The following C8orf34 variants were observed in gnomAD, a reference collection of about 807,000 sequenced individuals.
C8orf34 encodes chromosome 8 open reading frame 34.
A neutral mutation model predicts 68.3 loss-of-function variants in C8orf34; 65 were observed. The observed-to-expected ratio is 0.95, with a 90% CI of 0.78 to 1.17. The LOEUF is 1.17. C8orf34 is among the 50% of genes most tolerant of loss of function. The probability of loss-of-function intolerance (pLI) is 0.00; values close to 1 mark genes in which losing one functional copy is unlikely to be tolerated. For missense variants in C8orf34, 664 were observed against 655.4 expected, an observed-to-expected ratio of 1.01 and a Z score of -0.14; for synonymous variants, 244 against 241.2, an observed-to-expected ratio of 1.01 and a Z score of -0.11.
At chr8:68,428,413 C>T (rs1458809258) in intron 1 of C8orf34, among the ~76,000 whole-genome samples, 1 of 151,894 alleles carries the variant, frequency 6.6e-6, no homozygotes, top group East Asian at 1.9e-4. Flanking sequence ...AAATACAAGC[C>T]ATGCGTGATA....
chr8:68,461,798 A>G (rs1811841911), intron 3 of C8orf34, among the ~76,000 whole-genome samples: 1 of 152,226 alleles, frequency 6.6e-6, no homozygotes, highest in African/African-American at 2.4e-5. Flanking sequence ...GAAGCACTAA[A>G]CATGGAAAGG....
intron 5 of C8orf34, among the ~76,000 whole-genome samples, chr8:68,509,053 G>T (rs771624581): frequency 6.6e-6 from 1 of 152,076 alleles, no homozygotes; most frequent in Non-Finnish European, 1.5e-5. Flanking sequence ...TTTTTCTGGG[G>T]ACCCCTCTCC....
intron 7 of C8orf34, among the ~76,000 whole-genome samples, chr8:68,624,788 T>C (rs1818487876): frequency 1.3e-5 from 2 of 152,190 alleles, no homozygotes; most frequent in Admixed American, 6.5e-5. Flanking sequence ...TCACAAAAAA[T>C]GCAATGGCAC....
At chr8:68,498,390 A>G (rs1813622722) in intron 5 of C8orf34, among the ~76,000 whole-genome samples, 1 of 152,200 alleles carries the variant, frequency 6.6e-6, no homozygotes, top group Non-Finnish European at 1.5e-5. Flanking sequence ...ATTATCCAAA[A>G]CAAAATGAAA....
chr8:68,533,203 A>G, intron 7 of C8orf34, 54 bp downstream of exon 7: 1 of 1,532,290 alleles, frequency 6.5e-7, no homozygotes. Flanking sequence ...TGTAAAAAAA[A>G]CGTGTGGTGA....
chr8:68,591,955 G>A (rs1817401560), intron 7 of C8orf34, among the ~76,000 whole-genome samples: 1 of 152,058 alleles, frequency 6.6e-6, no homozygotes, highest in Non-Finnish European at 1.5e-5. Flanking sequence ...TTATATATAT[G>A]CACTGGGTGA....
intron 8 of C8orf34, among the ~76,000 whole-genome samples, chr8:68,689,756 T>A (rs10957444): frequency 0.31 from 47,304 of 151,842 alleles, 8,472 homozygotes; most frequent in East Asian, 0.56. Context: ...CTGTTTTGGG[T>A]TCTATCTGCT....
intron 7 of C8orf34, among the ~76,000 whole-genome samples, chr8:68,537,587 AATC>A (rs1815532548): frequency 6.6e-6 from 1 of 151,874 alleles, no homozygotes; most frequent in South Asian, 2.1e-4. Context: ...GAGTAGAAAA[AATC>A]ACATAAATTA....
chr8:68,536,358 C>CAAAAA lies in C8orf34; in HGVS notation c.1105+3230_1105+3234dup, dbSNP rs10696903. Among the ~76,000 whole-genome samples the CAAAAA allele has an allele frequency of 5.9e-3, 287 of 48,478 alleles. 3 individuals are homozygous for CAAAAA. The highest frequency in any genetic ancestry group is 0.022 in the Middle Eastern group (1 of 46). The allele number at this position is 48,478 out of a possible 152,430, so 31.8% of individuals were successfully genotyped here. On this transcript the variant is annotated intron_variant, in intron 7 of 13. Coordinates refer to ENST00000518698, the MANE Select transcript of C8orf34 (RefSeq NM_052958.4). ...TGGGTGACAGAGGGAGACCCTATCT[C>CAAAAA]AAAAAAAAAAAAAAAAAAAAAAAAA... is the stretch of plus-strand genomic sequence containing the variant.
intron 10 of C8orf34, among the ~76,000 whole-genome samples, chr8:68,727,652 A>G (rs1303066895): frequency 6.6e-6 from 1 of 152,230 alleles, no homozygotes; most frequent in Non-Finnish European, 1.5e-5. Flanking sequence ...AAATCTAGGC[A>G]GAAGTTCCCA....
chr8:68,520,876 T>A (rs1814725404), intron 5 of C8orf34, among the ~76,000 whole-genome samples: 1 of 152,208 alleles, frequency 6.6e-6, no homozygotes, highest in South Asian at 2.1e-4. Context: ...AAAAATATAT[T>A]TTTCTCATTA....
chr8:68,584,453 T>C (rs965222293), intron 7 of C8orf34, among the ~76,000 whole-genome samples: 1 of 152,218 alleles, frequency 6.6e-6, no homozygotes, highest in Non-Finnish European at 1.5e-5. Flanking sequence ...CGGAAATCCG[T>C]CTTGTATGCA....
At chr8:68,417,738 G>C (rs1809739711) in intron 1 of C8orf34, among the ~76,000 whole-genome samples, 1 of 152,086 alleles carries the variant, frequency 6.6e-6, no homozygotes, top group Non-Finnish European at 1.5e-5. Context: ...GATGCCTCCA[G>C]CTTTGTTCTT....
chr8:68,715,132 G>T (rs1821433949), intron 9 of C8orf34, among the ~76,000 whole-genome samples: 1 of 152,050 alleles, frequency 6.6e-6, no homozygotes, highest in African/African-American at 2.4e-5. Context: ...AACTCAAAAT[G>T]GATCAAGGAC....
intron 10 of C8orf34, among the ~76,000 whole-genome samples, chr8:68,763,075 T>G (rs1823066594): frequency 6.6e-6 from 1 of 152,206 alleles, no homozygotes; most frequent in South Asian, 2.1e-4. Context: ...TGAAACAGAT[T>G]CCTACTGGAT....
chr8:68,542,030 T>G (rs1815719670), intron 7 of C8orf34, among the ~76,000 whole-genome samples: 1 of 152,228 alleles, frequency 6.6e-6, no homozygotes, highest in Admixed American at 6.5e-5. Context: ...AATTGCAGTT[T>G]TGCCACTACT....
At chr8:68,657,907 C>T (rs909813232) in intron 8 of C8orf34, among the ~76,000 whole-genome samples, 29 of 152,148 alleles carry the variant, frequency 1.9e-4, no homozygotes, top group Admixed American at 5.9e-4. Context: ...GTTTTCCTGG[C>T]TCGATGGCCT....
At chr8:68,374,913 T>A (rs1285592676) in intron 1 of C8orf34, among the ~76,000 whole-genome samples, 1 of 152,194 alleles carries the variant, frequency 6.6e-6, no homozygotes, top group Non-Finnish European at 1.5e-5. Flanking sequence ...ATTCTCTACC[T>A]TAATGTGTTG....
Position 68,766,285 on chromosome 8 carries a change from T to C in C8orf34, c.1405-10114T>C, listed in dbSNP as rs184110603. Among the ~76,000 whole-genome samples, 380 of 152,360 alleles carry C rather than the reference T, an allele frequency of 2.5e-3. 2 individuals are homozygous for C. Among genetic ancestry groups the C allele is most frequent in the African/African-American group, 7.2e-3 (300 of 41,578 alleles). On this transcript the variant is annotated intron_variant, in intron 10 of 13. Coordinates refer to ENST00000518698, the MANE Select transcript of C8orf34 (RefSeq NM_052958.4). ...CAGGAGGTTGGTCACCTTAGCCGTT[T>C]AGTCATTTTGCAAAGACACAGGTTG...
Sources: gnomAD v4.1 joint callset for allele counts (sites outside exome capture counted in the v4.1 genomes callset) on GRCh38, gnomAD v4.1.1 for gene constraint, MANE v1.5 for transcripts, NCBI Gene and HGNC (gene_info 2026-07-23, HGNC 2026-07-21) for gene names.